The following SORCS3 variants were observed in gnomAD, a reference collection of about 807,000 sequenced individuals.
The protein encoded by SORCS3 is VPS10 domain-containing receptor SorCS3.
A neutral mutation model predicts 146.3 loss-of-function variants in SORCS3; 57 were observed. The ratio of observed to expected loss-of-function variants is 0.39; its 90% CI spans 0.31 to 0.49. The LOEUF (loss-of-function observed/expected upper bound fraction) is 0.49. Ranked by LOEUF, SORCS3 falls within the 20% of genes least tolerant of loss-of-function variation. The probability of loss-of-function intolerance (pLI) is 0.92; values close to 1 mark genes in which losing one functional copy is unlikely to be tolerated. For synonymous variants in SORCS3, 653 were observed against 618.5 expected (o/e 1.06, Z -0.83); for missense variants, 1,341 against 1,575.5 (o/e 0.85, Z 2.52).
At chr10:105,181,390 A>G (rs181411303) in intron 14 of SORCS3, among the ~76,000 whole-genome samples, 30 of 152,096 alleles carry the variant, frequency 2.0e-4, no homozygotes, top group African/African-American at 4.1e-4. Flanking sequence ...AGGTGTCTAT[A>G]TGGAGGTTAT....
chr10:104,667,737 A>G (rs2015799353), intron 1 of SORCS3, among the ~76,000 whole-genome samples: 1 of 152,222 alleles, frequency 6.6e-6, no homozygotes, highest in Non-Finnish European at 1.5e-5. Flanking sequence ...TTGTTTGCAT[A>G]GGTTCATTAT....
intron 21 of SORCS3, 134 bp downstream of exon 21, chr10:105,245,799 C>G: frequency 9.5e-7 from 1 of 1,048,444 alleles, no homozygotes; most frequent in Non-Finnish European, 1.3e-6. Context: ...CAGGAAGCTT[C>G]CAAACCTACC....
At chr10:104,951,633 C>T (rs1394865535) in intron 3 of SORCS3, among the ~76,000 whole-genome samples, 1 of 152,164 alleles carries the variant, frequency 6.6e-6, no homozygotes, top group African/African-American at 2.4e-5. Context: ...GTGTGAGCCA[C>T]CATGGTTAAA....
chr10:104,744,412 T>A lies in SORCS3; in HGVS notation c.628-98380T>A, dbSNP rs575316919. 3.9e-5 allele frequency among the ~76,000 whole-genome samples: 6 copies of A among 152,334 alleles called. No homozygotes were observed. The East Asian group carries it at 1.2e-3, about 29-fold the overall frequency. ...TTTCTATTATAATAATGGTGATTAT[T>A]ATTAATTATAATGCTATTTTTATTA... On this transcript the variant is annotated intron_variant, in intron 1 of 26. Transcript: ENST00000369701.
chr10:104,735,160 C>T (rs984278762), intron 1 of SORCS3, among the ~76,000 whole-genome samples: 2 of 152,180 alleles, frequency 1.3e-5, no homozygotes, highest in African/African-American at 4.8e-5. Flanking sequence ...TTTCACGTGG[C>T]TCTCCTGCCT....
intron 2 of SORCS3, among the ~76,000 whole-genome samples, chr10:104,844,033 A>G (rs146279006): frequency 6.6e-6 from 1 of 152,298 alleles, no homozygotes; most frequent in East Asian, 1.9e-4. Flanking sequence ...GCAGAGAACT[A>G]GGCAGCTTCT....
intron 7 of SORCS3, among the ~76,000 whole-genome samples, chr10:105,111,015 C>T (rs1483493831): frequency 6.6e-6 from 1 of 152,100 alleles, no homozygotes; most frequent in Non-Finnish European, 1.5e-5. Context: ...CCTCTGTGAC[C>T]TGGATCCTAC....
At chr10:105,133,674 G>T (rs991479141) in intron 7 of SORCS3, among the ~76,000 whole-genome samples, 1 of 152,156 alleles carries the variant, frequency 6.6e-6, no homozygotes, top group Non-Finnish European at 1.5e-5. Context: ...AGATGCAGTG[G>T]CTCATATCTA....
At chr10:104,975,743 C>G (rs989801240) in intron 3 of SORCS3, among the ~76,000 whole-genome samples, 3 of 152,098 alleles carry the variant, frequency 2.0e-5, no homozygotes, top group Non-Finnish European at 2.9e-5. Context: ...ACAGAGCCCT[C>G]AGAAATAAAG....
chr10:105,040,972 A>G (rs187473665), intron 4 of SORCS3, among the ~76,000 whole-genome samples: 25 of 148,042 alleles, frequency 1.7e-4, no homozygotes, highest in African/African-American at 5.9e-4. Flanking sequence ...CTAAATATAT[A>G]TATTTAGCAT....
chr10:104,989,811 A>G (rs2054983221), intron 4 of SORCS3, among the ~76,000 whole-genome samples: 2 of 152,208 alleles, frequency 1.3e-5, no homozygotes. Context: ...GCTGTTCTGT[A>G]GGCATAAAGT....
chr10:104,879,728 GA>G (rs1214521679), intron 2 of SORCS3, among the ~76,000 whole-genome samples: 1 of 152,206 alleles, frequency 6.6e-6, no homozygotes, highest in African/African-American at 2.4e-5. Context: ...GCTGAATTTA[GA>G]AAAGGCATCC....
rs147577986 is a variant in SORCS3 at position 105,109,373 on chromosome 10, G to A, written c.1212+3858G>A. 1.5e-4 allele frequency among the ~76,000 whole-genome samples: 23 copies of A among 152,128 alleles called. No individual in the cohort carries two copies. The East Asian group carries it at 2.3e-3, about 15-fold the overall frequency. On this transcript the variant is annotated intron_variant, in intron 7 of 26. Transcript: ENST00000369701. Reference sequence around the variant, plus strand: ...CTTTTTCCAACCCCAGTTTGTTGACGTCATCATTTTAGAGCATGAACATTC... The same window carrying A: ...CTTTTTCCAACCCCAGTTTGTTGACATCATCATTTTAGAGCATGAACATTC...
intron 1 of SORCS3, among the ~76,000 whole-genome samples, chr10:104,825,323 G>A (rs149372975): frequency 6.6e-6 from 1 of 152,300 alleles, no homozygotes; most frequent in Non-Finnish European, 1.5e-5. Context: ...TTAGTATGAG[G>A]ACACTGAGGC....
At chr10:105,149,027 C>A (rs1055102216) in intron 9 of SORCS3, among the ~76,000 whole-genome samples, 3 of 152,110 alleles carry the variant, frequency 2.0e-5, no homozygotes, top group African/African-American at 7.2e-5. Flanking sequence ...CTCACTTCCT[C>A]TCTCTCTCCT....
At chr10:104,780,510 C>A (rs2017362100) in intron 1 of SORCS3, among the ~76,000 whole-genome samples, 1 of 152,206 alleles carries the variant, frequency 6.6e-6, no homozygotes, top group Non-Finnish European at 1.5e-5. Flanking sequence ...CCCTTGGTAG[C>A]TGTTCACTCT....
intron 20 of SORCS3, among the ~76,000 whole-genome samples, chr10:105,229,227 A>G (rs528200792): frequency 4.0e-4 from 60 of 151,620 alleles, no homozygotes; most frequent in African/African-American, 1.4e-3. Context: ...TCTTTGGTAA[A>G]TTTCTCATTC....
chr10:105,087,994 A>G (rs1338507775), intron 5 of SORCS3, among the ~76,000 whole-genome samples: 7 of 152,178 alleles, frequency 4.6e-5, no homozygotes, highest in Non-Finnish European at 1.0e-4. Flanking sequence ...TGGGATAAGG[A>G]TGCTTTGGGA....
intron 1 of SORCS3, among the ~76,000 whole-genome samples, chr10:104,729,203 C>A (rs1347593457): frequency 6.6e-6 from 1 of 152,154 alleles, no homozygotes; most frequent in Non-Finnish European, 1.5e-5. Context: ...AAACAAGAAG[C>A]ACATGTTGTT....
Sources: allele counts gnomAD v4.1 joint callset (sites outside exome capture counted in the v4.1 genomes callset), GRCh38; gene constraint gnomAD v4.1.1; transcripts MANE v1.5; gene names NCBI Gene and HGNC (gene_info 2026-07-23, HGNC 2026-07-21).